Variants in CNTN6 observed in about 807,000 individuals in gnomAD.
CNTN6 encodes contactin-6.
In CNTN6, 137 loss-of-function variants were observed where a neutral mutation model predicts 122.8. The ratio of observed to expected loss-of-function variants is 1.12; its 90% CI spans 0.97 to 1.29. The LOEUF (loss-of-function observed/expected upper bound fraction) is 1.29. Ranked by LOEUF, CNTN6 falls within the 50% of genes most tolerant of loss-of-function variation. CNTN6 has a pLI of 0.00. For missense variants in CNTN6, 1,634 were observed against 1,223.4 expected (o/e 1.34, Z -5.01); for synonymous variants, 570 against 426.0 (o/e 1.34, Z -4.16).
chr3:1,151,565 G>C (rs2092843438), intron 2 of CNTN6, among the ~76,000 whole-genome samples: 1 of 152,106 alleles, frequency 6.6e-6, no homozygotes, highest in Non-Finnish European at 1.5e-5. Flanking sequence ...TTTGCTAAAT[G>C]AATAAAAGAA....
chr3:1,263,235 C>T (rs2094875731), intron 4 of CNTN6, among the ~76,000 whole-genome samples: 1 of 152,110 alleles, frequency 6.6e-6, no homozygotes, highest in Non-Finnish European at 1.5e-5. Context: ...GCTTATAAAT[C>T]CAAGCACTTC....
chr3:1,312,629 A>G (rs1575657841), intron 7 of CNTN6, among the ~76,000 whole-genome samples: 1 of 146,674 alleles, frequency 6.8e-6, no homozygotes, highest in African/African-American at 2.7e-5. Flanking sequence ...AAAAAAAAAA[A>G]AGCATCTATT....
intron 4 of CNTN6, among the ~76,000 whole-genome samples, chr3:1,233,592 G>A (rs971531191): frequency 5.9e-5 from 9 of 151,528 alleles, no homozygotes; most frequent in Admixed American, 2.6e-4. Flanking sequence ...AAAATTAGCC[G>A]GGTGTGGTGG....
intron 2 of CNTN6, among the ~76,000 whole-genome samples, chr3:1,162,502 C>A (rs1048054970): frequency 6.6e-6 from 1 of 152,156 alleles, no homozygotes; most frequent in African/African-American, 2.4e-5. Flanking sequence ...CTGCACCATC[C>A]CTTCTTAATT....
chr3:1,376,016 T>A (rs528005397), intron 16 of CNTN6, among the ~76,000 whole-genome samples: 1 of 152,152 alleles, frequency 6.6e-6, no homozygotes, highest in African/African-American at 2.4e-5. Context: ...CCCAGACATA[T>A]CCAAGTGCCT....
Position 1,103,069 on chromosome 3 carries a change from G to A in CNTN6, c.-83+9949G>A, listed in dbSNP as rs570587791. ...TGCAGTGAGCCAAGATGGCGCCACC[G>A]CACTCCAGCCTGGGCGACAGAGCCA... On this transcript the variant is annotated intron_variant, in intron 1 of 22. Coordinates refer to ENST00000446702, the MANE Select transcript of CNTN6 (RefSeq NM_001289080.2). Among the ~76,000 whole-genome samples the A allele has an allele frequency of 6.1e-4, 93 of 151,962 alleles. 1 individual carries two copies. Among genetic ancestry groups the A allele is most frequent in the African/African-American group, 2.1e-3 (85 of 41,394 alleles).
intron 7 of CNTN6, among the ~76,000 whole-genome samples, chr3:1,302,856 T>G (rs952525061): frequency 1.3e-5 from 2 of 152,152 alleles, no homozygotes; most frequent in African/African-American, 2.4e-5. Context: ...TATTTGTTTG[T>G]TTTTTTCTCC....
At chr3:1,371,399 A>G (rs891350382) in intron 12 of CNTN6, among the ~76,000 whole-genome samples, 1 of 152,046 alleles carries the variant, frequency 6.6e-6, no homozygotes, top group Non-Finnish European at 1.5e-5. Context: ...TAAATCTTTC[A>G]AAACAATTTA....
chr3:1,238,745 T>C (rs2094449451), intron 4 of CNTN6, among the ~76,000 whole-genome samples: 1 of 152,128 alleles, frequency 6.6e-6, no homozygotes, highest in Admixed American at 6.6e-5. Flanking sequence ...AAGTACTCTC[T>C]CAGACCACAG....
At chr3:1,383,949 T>TA (rs1298439122) in intron 19 of CNTN6, among the ~76,000 whole-genome samples, 24 of 152,342 alleles carry the variant, frequency 1.6e-4, no homozygotes, top group African/African-American at 5.5e-4. Context: ...GGTTGTGTCT[T>TA]ATGGAGAGGT....
chr3:1,116,896 G>C (rs1453298215), intron 1 of CNTN6, among the ~76,000 whole-genome samples: 1 of 151,984 alleles, frequency 6.6e-6, no homozygotes, highest in Non-Finnish European at 1.5e-5. Context: ...GTAGAGACAA[G>C]GTTTCGCCAT....
chr3:1,235,040 T>C (rs1020942681), intron 4 of CNTN6, among the ~76,000 whole-genome samples: 8 of 152,238 alleles, frequency 5.3e-5, no homozygotes, highest in African/African-American at 1.9e-4. Context: ...GCCTCATTTT[T>C]TCCCACACTA....
chr3:1,325,789 C>T, intron 8 of CNTN6, 26 bp from the exon 9 acceptor site: 1 of 1,606,284 alleles, frequency 6.2e-7, no homozygotes, highest in Non-Finnish European at 8.5e-7. Flanking sequence ...TTTTACCAAA[C>T]AGTGGCACTT....
At position 1,372,903 on chromosome 3, in the gene CNTN6, A is replaced by T. The variant is rs373502943; in HGVS notation, c.1734A>T (p.Thr578=). 6.2e-7 allele frequency: 1 copy of T among 1,610,042 alleles called. No homozygotes were observed. Among genetic ancestry groups the T allele is most frequent in the Non-Finnish European group, 8.5e-7 (1 of 1,177,590 alleles). ...ATCATTCAGGAAAATATCTCTGCAC[A>T]GTACAAACAACCCTAGAAAGTTTAT... ...QLHHSGKYLC[T]VQTTLESLSA... The change falls in exon 14 of 23, where the codon ACA becomes ACT. Residue 578 remains threonine, a synonymous_variant. Transcript: ENST00000446702.
chr3:1,331,359 G>A (rs1436136540), intron 11 of CNTN6, among the ~76,000 whole-genome samples: 2 of 151,946 alleles, frequency 1.3e-5, no homozygotes, highest in Non-Finnish European at 2.9e-5. Context: ...AATCAAAAAG[G>A]GTGAACATGT....
intron 2 of CNTN6, among the ~76,000 whole-genome samples, chr3:1,184,010 A>G (rs1266509909): frequency 6.6e-6 from 1 of 152,162 alleles, no homozygotes; most frequent in African/African-American, 2.4e-5. Flanking sequence ...GTTCCTTGCA[A>G]TTAGGGCCTT....
At chr3:1,344,170 G>T (rs1004444834) in intron 11 of CNTN6, among the ~76,000 whole-genome samples, 1 of 152,092 alleles carries the variant, frequency 6.6e-6, no homozygotes. Context: ...AGAGAAAGCT[G>T]TATATCTTGG....
At chr3:1,282,681 C>G (rs1261109341) in intron 5 of CNTN6, among the ~76,000 whole-genome samples, 1 of 152,210 alleles carries the variant, frequency 6.6e-6, no homozygotes, top group Non-Finnish European at 1.5e-5. Flanking sequence ...GATTACAAAA[C>G]TTCACTAAGA....
intron 4 of CNTN6, among the ~76,000 whole-genome samples, chr3:1,240,625 A>G (rs1430739161): frequency 6.6e-6 from 1 of 152,086 alleles, no homozygotes; most frequent in Non-Finnish European, 1.5e-5. Flanking sequence ...GAGATTCCTT[A>G]AAGGACTAAA....
Sources: gnomAD v4.1 joint callset for allele counts (sites outside exome capture counted in the v4.1 genomes callset) on GRCh38, gnomAD v4.1.1 for gene constraint, MANE v1.5 for transcripts, NCBI Gene and HGNC (gene_info 2026-07-23, HGNC 2026-07-21) for gene names.